ORC4: variants seen among roughly 807,000 people sequenced by gnomAD.
The protein encoded by ORC4 is origin recognition complex, subunit 4 homolog.
A neutral mutation model predicts 63.9 loss-of-function variants in ORC4; 55 were observed. The observed-to-expected ratio is 0.86, with a 90% CI of 0.69 to 1.08. The LOEUF is 1.08. Among genes scored for constraint, ORC4 ranks in the 50% least tolerant of loss-of-function variants. The pLI is 0.00. For missense variants in ORC4, 511 were observed against 504.4 expected (o/e 1.01, Z -0.13); for synonymous variants, 150 against 168.5 (o/e 0.89, Z 0.85).
intron 1 of ORC4, among the ~76,000 whole-genome samples, chr2:147,993,579 A>G (rs1363871932): frequency 1.3e-5 from 2 of 152,180 alleles, no homozygotes; most frequent in Non-Finnish European, 2.9e-5. Context: ...TTGCTAATGA[A>G]TATGTTGTCC....
chr2:147,979,232 C>T (rs190260706), intron 1 of ORC4, among the ~76,000 whole-genome samples: 3 of 152,196 alleles, frequency 2.0e-5, no homozygotes, highest in Admixed American at 6.5e-5. Context: ...TACCAAAAAA[C>T]TGTTAGTACT....
intron 1 of ORC4, among the ~76,000 whole-genome samples, chr2:148,017,036 T>G (rs1350107145): frequency 6.6e-6 from 1 of 152,210 alleles, no homozygotes; most frequent in Non-Finnish European, 1.5e-5. Flanking sequence ...ATTATGAAAC[T>G]TCTACTGAGT....
chr2:147,963,653 T>G (rs944647259), intron 4 of ORC4, among the ~76,000 whole-genome samples: 2 of 152,104 alleles, frequency 1.3e-5, no homozygotes, highest in Non-Finnish European at 2.9e-5. Context: ...AGCAACCACA[T>G]GACTATGCTC....
intron 9 of ORC4, among the ~76,000 whole-genome samples, chr2:147,946,282 G>A (rs1348859729): frequency 6.7e-6 from 1 of 150,148 alleles, no homozygotes; most frequent in African/African-American, 2.4e-5. Flanking sequence ...AAGATTAAGT[G>A]TGAGCAGGTA....
chr2:148,004,343 C>T (rs1172950343), intron 1 of ORC4, among the ~76,000 whole-genome samples: 6 of 152,266 alleles, frequency 3.9e-5, no homozygotes, highest in South Asian at 2.1e-4. Flanking sequence ...GGAGGCATCA[C>T]GCTACCTGAC....
At chr2:148,013,638 T>C (rs148873150) in intron 1 of ORC4, among the ~76,000 whole-genome samples, 21 of 152,338 alleles carry the variant, frequency 1.4e-4, no homozygotes, top group African/African-American at 5.0e-4. Context: ...CCCAATTACC[T>C]GATTTGATCA....
At chr2:147,984,164 C>T (rs1329296676) in intron 1 of ORC4, among the ~76,000 whole-genome samples, 1 of 151,854 alleles carries the variant, frequency 6.6e-6, no homozygotes, top group Non-Finnish European at 1.5e-5. Context: ...TTAGTTACAC[C>T]CAGTGTGCCT....
intron 4 of ORC4, among the ~76,000 whole-genome samples, chr2:147,967,288 C>T (rs377402228): frequency 7.8e-4 from 119 of 152,132 alleles, no homozygotes; most frequent in African/African-American, 2.8e-3. Flanking sequence ...CAAGGATGTT[C>T]ACTCTCCCCA....
intron 8 of ORC4, among the ~76,000 whole-genome samples, chr2:147,950,077 G>C (rs1301762528): frequency 6.6e-6 from 1 of 152,102 alleles, no homozygotes; most frequent in Non-Finnish European, 1.5e-5. Context: ...AAAAAATTTT[G>C]AATGTTTTTA....
At chr2:147,987,752 T>C (rs1691306886) in intron 1 of ORC4, among the ~76,000 whole-genome samples, 1 of 151,966 alleles carries the variant, frequency 6.6e-6, no homozygotes, top group Non-Finnish European at 1.5e-5. Flanking sequence ...AATAACCCTC[T>C]GGAATAAGAA....
intron 4 of ORC4, among the ~76,000 whole-genome samples, chr2:147,966,730 A>G (rs2105334822): frequency 6.6e-6 from 1 of 152,276 alleles, no homozygotes; most frequent in African/African-American, 2.4e-5. Flanking sequence ...CCAACAAAGG[A>G]AAATCCAGTA....
At chr2:148,020,135 T>G (rs1382477347) in intron 1 of ORC4, among the ~76,000 whole-genome samples, 1 of 152,170 alleles carries the variant, frequency 6.6e-6, no homozygotes, top group South Asian at 2.1e-4. Flanking sequence ...AAGACTTCCC[T>G]GCCTGCTCCT....
At chr2:148,003,209 C>T (rs1692423263) in intron 1 of ORC4, among the ~76,000 whole-genome samples, 1 of 152,214 alleles carries the variant, frequency 6.6e-6, no homozygotes, top group Non-Finnish European at 1.5e-5. Context: ...ACCATTCCTT[C>T]TGAAACTATT....
At chr2:147,964,928 A>G (rs1247307368) in intron 4 of ORC4, among the ~76,000 whole-genome samples, 3 of 152,178 alleles carry the variant, frequency 2.0e-5, no homozygotes, top group African/African-American at 7.2e-5. Context: ...CAAAGCTCAG[A>G]ATGAAAGAAC....
At chr2:148,016,865 T>A (rs1693330728) in intron 1 of ORC4, among the ~76,000 whole-genome samples, 1 of 152,126 alleles carries the variant, frequency 6.6e-6, no homozygotes, top group Non-Finnish European at 1.5e-5. Flanking sequence ...TTTCTCAAAA[T>A]CAATAATGAA....
chr2:147,991,034 G>A (rs1399482408), intron 1 of ORC4, among the ~76,000 whole-genome samples: 5 of 149,082 alleles, frequency 3.4e-5, no homozygotes, highest in Non-Finnish European at 5.9e-5. Flanking sequence ...GAATATAAAC[G>A]TATATACATA....
At chr2:147,969,926 T>C (rs1377073640) in intron 4 of ORC4, among the ~76,000 whole-genome samples, 2 of 151,992 alleles carry the variant, frequency 1.3e-5, no homozygotes, top group African/African-American at 4.8e-5. Flanking sequence ...AAACTGTCTT[T>C]GTTGACAGAT....
At chr2:147,982,525 C>T (rs1162182035) in intron 1 of ORC4, among the ~76,000 whole-genome samples, 3 of 152,130 alleles carry the variant, frequency 2.0e-5, no homozygotes, top group African/African-American at 7.2e-5. Context: ...AAATAAATGT[C>T]CACAGTTCCA....
At chr2:148,005,089 A>G (rs1692544900) in intron 1 of ORC4, among the ~76,000 whole-genome samples, 1 of 152,240 alleles carries the variant, frequency 6.6e-6, no homozygotes, top group African/African-American at 2.4e-5. Context: ...TCATTCTACT[A>G]TAAAGACACA....
Sources: allele counts gnomAD v4.1 joint callset (sites outside exome capture counted in the v4.1 genomes callset), GRCh38; gene constraint gnomAD v4.1.1; transcripts MANE v1.5; gene names NCBI Gene and HGNC (gene_info 2026-07-23, HGNC 2026-07-21).